TTK: variants seen among roughly 807,000 people sequenced by gnomAD.
TTK encodes TTK protein kinase, also known as dual specificity protein kinase TTK.
TTK carries 59 observed loss-of-function variants against 117.3 expected under a neutral mutation model. That is an observed-to-expected ratio of 0.50 (90% CI 0.41 to 0.62). The LOEUF (loss-of-function observed/expected upper bound fraction) is 0.62. Among genes scored for constraint, TTK ranks in the 20% least tolerant of loss-of-function variants. The pLI, the probability that TTK is intolerant of heterozygous loss-of-function variation, is 0.00. For missense variants in TTK, 921 were observed against 989.4 expected, an observed-to-expected ratio of 0.93 and a Z score of 0.93; for synonymous variants, 302 against 325.0, an observed-to-expected ratio of 0.93 and a Z score of 0.76.
chr6:80,023,101 C>T (rs1273964120), intron 11 of TTK, among the ~76,000 whole-genome samples: 3 of 152,150 alleles, frequency 2.0e-5, no homozygotes, highest in Non-Finnish European at 4.4e-5. Context: ...GCCATAGTTT[C>T]CTTACCATTT....
At chr6:80,007,742 A>C (rs1767031347) in intron 2 of TTK, 67 bp from the exon 3 acceptor site, 1 of 1,338,016 alleles carries the variant, frequency 7.5e-7, no homozygotes, top group African/African-American at 1.5e-5. Context: ...TATATTTTGA[A>C]GGAAAAATGC....
intron 10 of TTK, among the ~76,000 whole-genome samples, chr6:80,016,437 G>A (rs745315376): frequency 3.3e-5 from 5 of 152,040 alleles, no homozygotes; most frequent in Non-Finnish European, 5.9e-5. Flanking sequence ...GTTTTAATTT[G>A]CATTTTGCAT....
At chr6:80,042,086 A>G (rs1768062422) in intron 21 of TTK, 33 bp from the exon 22 acceptor site, 3 of 1,459,490 alleles carry the variant, frequency 2.1e-6, no homozygotes, top group South Asian at 1.5e-5. Flanking sequence ...TAACTAAAAA[A>G]TTGCAAAACA....
In TTK at chr6:80,027,982, A is replaced by G; in HGVS notation, c.1492A>G (p.Ile498Val). The change falls in exon 13 of 22, where the codon ATA (isoleucine) becomes GTA (valine). Residue 498 changes from isoleucine (I) to valine (V), a missense_variant. Physicochemically the swap from Ile to Val is conservative, Grantham distance 29. Coordinates refer to ENST00000369798, the MANE Select transcript of TTK (RefSeq NM_003318.5). ...CTGTTTCCAGCAGCAACAGCATCAA[A>G]TACTTGCCACTCCACTTCAAAATTT... ...PACFQQQQHQ[I>V]LATPLQNLQV... 1 of 1,605,188 alleles carries G rather than the reference A, an allele frequency of 6.2e-7. No individual in the cohort carries two copies. The highest frequency in any genetic ancestry group is 8.5e-7 in the Non-Finnish European group (1 of 1,175,054).
At chr6:80,016,260 A>T (rs2127672911) in intron 10 of TTK, among the ~76,000 whole-genome samples, 1 of 152,270 alleles carries the variant, frequency 6.6e-6, no homozygotes, top group Admixed American at 6.5e-5. Context: ...GGGTTACAGG[A>T]TATGCATGTG....
intron 5 of TTK, among the ~76,000 whole-genome samples, chr6:80,011,188 A>T (rs935198809): frequency 1.4e-5 from 2 of 145,218 alleles, no homozygotes; most frequent in Non-Finnish European, 3.1e-5. Context: ...AAGCAAGAGA[A>T]TTTTTTTTTT....
At chr6:80,022,875 C>G (rs2127675816) in intron 11 of TTK, among the ~76,000 whole-genome samples, 1 of 152,314 alleles carries the variant, frequency 6.6e-6, no homozygotes, top group Admixed American at 6.5e-5. Flanking sequence ...TGTTTACTAT[C>G]TGGTCCTTTA....
In TTK at chr6:80,010,824, A is replaced by G; in HGVS notation, c.480A>G (p.Lys160=). The change falls in exon 5 of 22, where the codon AAA becomes AAG. Residue 160 remains lysine, a synonymous_variant. Transcript: ENST00000369798. ...CTTTTGCTTTGTTAGGTAATGTCAA[A>G]AAAAGTAAACAACTTCTTCAAAAAG... ...AQFELSQGNV[K]KSKQLLQKAV... is the part of the protein sequence containing the mutation. 6.2e-7 allele frequency: 1 copy of G among 1,610,286 alleles called. No homozygotes were observed.
chr6:80,040,777 T>A, intron 21 of TTK, 74 bp downstream of exon 21: 1 of 1,440,438 alleles, frequency 6.9e-7, no homozygotes, highest in Non-Finnish European at 9.5e-7. Context: ...AAACAGGTAG[T>A]CTGAAGAAAA....
At chr6:80,030,790 G>A (rs1486870948) in intron 13 of TTK, among the ~76,000 whole-genome samples, 1 of 152,144 alleles carries the variant, frequency 6.6e-6, no homozygotes, top group Non-Finnish European at 1.5e-5. Context: ...AACCATATCA[G>A]GGACATTGCT....
chr6:80,015,643 A>G (rs910802473), intron 10 of TTK, among the ~76,000 whole-genome samples: 1 of 152,190 alleles, frequency 6.6e-6, no homozygotes, highest in African/African-American at 2.4e-5. Context: ...TTTACATTTC[A>G]TATTTTCTTG....
chr6:80,033,516 C>T (rs1446397926), intron 14 of TTK, among the ~76,000 whole-genome samples: 1 of 152,136 alleles, frequency 6.6e-6, no homozygotes, highest in African/African-American at 2.4e-5. Context: ...TTCTGATTTG[C>T]TCAGTGATAT....
intron 11 of TTK, among the ~76,000 whole-genome samples, chr6:80,022,919 A>C (rs1208403262): frequency 3.3e-5 from 5 of 152,224 alleles, no homozygotes; most frequent in Non-Finnish European, 7.3e-5. Flanking sequence ...GAACTAGCGC[A>C]GTGCTGTCCC....
intron 4 of TTK, 33 bp downstream of exon 4, chr6:80,008,525 T>C: frequency 6.4e-7 from 1 of 1,566,390 alleles, no homozygotes; most frequent in Non-Finnish European, 8.7e-7. Context: ...AAATTTTAAG[T>C]AAAGGATAAC....
At position 80,040,694 on chromosome 6, in the gene TTK, A is replaced by G; in HGVS notation, c.2481A>G (p.Lys827=). 2 of 1,611,360 alleles carry G rather than the reference A, an allele frequency of 1.2e-6. No individual in the cohort carries two copies. Among genetic ancestry groups the G allele is most frequent in the African/African-American group, 1.3e-5 (1 of 74,938 alleles). Residue 827 remains lysine (K), a synonymous_variant, in exon 21 of 22, where the codon AAA becomes AAG. Coordinates refer to ENST00000369798, the MANE Select transcript of TTK (RefSeq NM_003318.5). The part of the protein sequence containing the change: ...VGLNSPNSIL[K]AAKTLYEHYS... ...TGAATTCTCCTAACTCCATTTTGAA[A>G]GCTGCTAAAGTAAGTATGTCTATTC...
rs368149487 is a variant in TTK, at chr6:80,021,966, G to T, written c.1109-358G>T. On this transcript the variant is annotated intron_variant, in intron 10 of 21. Coordinates refer to ENST00000369798, the MANE Select transcript of TTK (RefSeq NM_003318.5). ...AAAATGTTCTAAATTGCATTTTGAG[G>T]GTTGGATACTCGGTCTATGAAAAGT... 7.9e-5 allele frequency among the ~76,000 whole-genome samples: 12 copies of T among 152,268 alleles called. No individual in the cohort carries two copies. In the East Asian group the frequency reaches 9.6e-4, roughly 12 times the overall value.
At chr6:80,029,799 G>A (rs143273564) in intron 13 of TTK, among the ~76,000 whole-genome samples, 61 of 152,334 alleles carry the variant, frequency 4.0e-4, no homozygotes, top group Admixed American at 6.5e-4. Context: ...AGGGGGATGC[G>A]GGAAGTCCTG....
intron 7 of TTK, 32 bp from the exon 8 acceptor site, chr6:80,011,854 G>C: frequency 1.2e-6 from 2 of 1,611,864 alleles, no homozygotes; most frequent in Non-Finnish European, 1.7e-6. Flanking sequence ...TTATTTCCTA[G>C]TTGGTTATTT....
chr6:80,007,604 T>C (rs1767026707), intron 2 of TTK, among the ~76,000 whole-genome samples: 1 of 152,166 alleles, frequency 6.6e-6, no homozygotes, highest in Non-Finnish European at 1.5e-5. Flanking sequence ...AGCTTTTGGA[T>C]AAAGTATACC....
Sources: allele counts gnomAD v4.1 joint callset (sites outside exome capture counted in the v4.1 genomes callset), GRCh38; gene constraint gnomAD v4.1.1; transcripts MANE v1.5; gene names NCBI Gene and HGNC (gene_info 2026-07-23, HGNC 2026-07-21).